The following SLC25A22 variants were observed in gnomAD, a reference collection of about 807,000 sequenced individuals.
The protein encoded by SLC25A22 is mitochondrial glutamate carrier 1.
SLC25A22 carries 23 observed loss-of-function variants against 33.7 expected under a neutral mutation model. The observed-to-expected ratio is 0.68, with a 90% CI of 0.49 to 0.97. The LOEUF is 0.97. Among genes scored for constraint, SLC25A22 ranks in the 50% least tolerant of loss-of-function variants. The pLI, the probability that SLC25A22 is intolerant of heterozygous loss-of-function variation, is 0.00. For synonymous variants in SLC25A22, 245 were observed against 203.8 expected (o/e 1.20, Z -1.72); for missense variants, 390 against 451.1 (o/e 0.86, Z 1.23).
At chr11:793,088 G>T (rs1035605252) in intron 5 of SLC25A22, 100 bp from the exon 6 acceptor site, 7 of 1,159,640 alleles carry the variant, frequency 6.0e-6, no homozygotes, top group Non-Finnish European at 7.5e-6. Context: ...GGTGGGAGCC[G>T]TGGAGGCAGA....
intron 5 of SLC25A22, 87 bp downstream of exon 5, chr11:793,442 C>T (rs1266475917): frequency 3.1e-6 from 4 of 1,289,630 alleles, no homozygotes; most frequent in South Asian, 1.2e-5. Context: ...CAGGCAGAGC[C>T]CCCAGGTGGG....
chr11:797,468 C>T (rs905757106), intron 1 of SLC25A22: 2 of 397,168 alleles, frequency 5.0e-6, no homozygotes, highest in Non-Finnish European at 4.4e-6. Flanking sequence ...GTCACTGTCC[C>T]CCCTTCATAG....
intron 1 of SLC25A22, chr11:797,964 C>T (rs1400209886): frequency 1.8e-5 from 7 of 398,326 alleles, no homozygotes; most frequent in Non-Finnish European, 8.9e-6. Flanking sequence ...TGGGCTCGGG[C>T]CCCGGACACC....
In SLC25A22 at chr11:792,937, G is replaced by A; in HGVS notation, c.345C>T (p.Thr115=). 6.2e-7 allele frequency: 1 copy of A among 1,613,312 alleles called. No homozygotes were observed. The highest frequency in any genetic ancestry group is 1.3e-5 in the African/African-American group (1 of 75,014). Residue 115 remains threonine (T), a synonymous_variant, in exon 6 of 10, where the codon ACC becomes ACT. Transcript: ENST00000628067. ...TGGGCGTGGTCACGATCACCTGGCA[G>A]GTGCCAGCCCCACAGCCCGCCAGCA... ...KEMLAGCGAG[T]CQVIVTTPME...
chr11:795,105 A>C lies in SLC25A22; in HGVS notation c.-99T>G. On this transcript the variant is annotated 5_prime_UTR_variant, in exon 2 of 10. Coordinates refer to ENST00000628067, the MANE Select transcript of SLC25A22 (RefSeq NM_001191061.2). ...GAGGCCTTGAGGGAGGGTGGGACCC[A>C]GGGGGGTTGGGTGGTGCTCCACCTT... 5 of 788,646 alleles carry C rather than the reference A, an allele frequency of 6.3e-6. No individual in the cohort carries two copies. Among genetic ancestry groups the C allele is most frequent in the Non-Finnish European group, 5.9e-6 (3 of 509,378 alleles). The allele number at this position is 788,646 out of a possible 1,614,324, so 48.9% of individuals were successfully genotyped here.
At position 796,842 on chromosome 11, in the gene SLC25A22, G is replaced by A. The variant is rs557386286; in HGVS notation, c.-164+1375C>T. On this transcript the variant is annotated intron_variant, in intron 1 of 9. Coordinates refer to ENST00000628067, the MANE Select transcript of SLC25A22 (RefSeq NM_001191061.2). Reference sequence around the variant, plus strand: ...CCCAGAGCCCTCTGCCCCACCACCCGTCCCACTCAGGGCTTCACCGTCAGA... The same window carrying A: ...CCCAGAGCCCTCTGCCCCACCACCCATCCCACTCAGGGCTTCACCGTCAGA... Among the ~76,000 whole-genome samples the A allele has an allele frequency of 7.9e-5, 12 of 152,272 alleles. No individual in the cohort carries two copies. The East Asian group carries it at 1.9e-3, about 24-fold the overall frequency.
rs77117049 is a variant in SLC25A22 at position 792,579 on chromosome 11, G to A, written c.561C>T (p.Tyr187=). Residue 187 remains tyrosine, a synonymous_variant, in exon 7 of 10, where the codon TAC becomes TAT. Coordinates refer to ENST00000628067, the MANE Select transcript of SLC25A22 (RefSeq NM_001191061.2). The part of the protein sequence containing the change: ...LLRSRGIAGL[Y]KGLGATLLRD... ...TGAGCAGCGTGGCCCCGAGTCCCTTGTAGAGACCGGCAATGCCACGGCTCC... is the reference window on the plus strand; with the variant it reads ...TGAGCAGCGTGGCCCCGAGTCCCTTATAGAGACCGGCAATGCCACGGCTCC... 7.0e-3 allele frequency: 11,303 copies of A among 1,612,022 alleles called. 661 individuals are homozygous for A. The African/African-American group carries it at 0.13, about 19-fold the overall frequency.
At chr11:797,817 A>T in intron 1 of SLC25A22, 1 of 398,638 alleles carries the variant, frequency 2.5e-6, no homozygotes. Context: ...AGGCCGGCTC[A>T]GGCCCCTGCC....
At chr11:796,569 C>A (rs891788855) in intron 1 of SLC25A22, among the ~76,000 whole-genome samples, 3 of 152,160 alleles carry the variant, frequency 2.0e-5, no homozygotes, top group Non-Finnish European at 4.4e-5. Flanking sequence ...AGGCTTTCTC[C>A]GGGCCAGGGT....
Position 792,709 on chromosome 11 carries a change from A to G in SLC25A22, c.431T>C (p.Leu144Pro), listed in dbSNP as rs778481224. 2 of 1,549,970 alleles carry G rather than the reference A, an allele frequency of 1.3e-6. No homozygotes were observed. The highest frequency in any genetic ancestry group is 2.7e-5 in the African/African-American group (2 of 73,540). The change falls in exon 7 of 10, where the codon CTG becomes CCG. Residue 144 changes from leucine to proline, a missense_variant. Coordinates refer to ENST00000628067, the MANE Select transcript of SLC25A22 (RefSeq NM_001191061.2). ...GGCCGAGAGCTGGCCCTGGGCAGCC[A>G]GGATCTTCCTCTGGGCGGCTGGGGA... is the stretch of plus-strand genomic sequence containing the variant. The part of the protein sequence containing the change: ...AGRIAAQRKI[L>P]AAQGQLSAQG...
chr11:795,059 G>T lies in SLC25A22; in HGVS notation c.-53C>A. ...CGCAGAGGTGGACGCCAGGCCAGGC[G>T]GGGTGGAGGTGGAGGTGGAGGAGGC... On this transcript the variant is annotated 5_prime_UTR_variant, in exon 2 of 10. Coordinates refer to ENST00000628067, the MANE Select transcript of SLC25A22 (RefSeq NM_001191061.2). The T allele has an allele frequency of 6.4e-7, 1 of 1,550,432 alleles. No individual in the cohort carries two copies.
chr11:795,100 G>T lies in SLC25A22; in HGVS notation c.-94C>A, dbSNP rs934844019. ...TGGAGGAGGCCTTGAGGGAGGGTGGGACCCAGGGGGGTTGGGTGGTGCTCC... is the reference window on the plus strand; with the variant it reads ...TGGAGGAGGCCTTGAGGGAGGGTGGTACCCAGGGGGGTTGGGTGGTGCTCC... On this transcript the variant is annotated 5_prime_UTR_variant, in exon 2 of 10. Transcript: ENST00000628067. 1 of 765,646 alleles carries T rather than the reference G, an allele frequency of 1.3e-6. No individual in the cohort carries two copies. Among genetic ancestry groups the T allele is most frequent in the South Asian group, 1.4e-5 (1 of 69,132 alleles). The allele number at this position is 765,646 out of a possible 1,614,324, so 47.4% of individuals were successfully genotyped here. A position where few individuals can be genotyped will look rare whatever the true frequency, so the allele number is the denominator to read the frequency against.
Position 791,876 on chromosome 11 carries a change from G to C in SLC25A22, c.*39C>G, listed in dbSNP as rs752899555. 4 of 1,557,884 alleles carry C rather than the reference G, an allele frequency of 2.6e-6. No individual in the cohort carries two copies. The South Asian group carries it at 3.5e-5, about 14-fold the overall frequency. On this transcript the variant is annotated 3_prime_UTR_variant, in exon 10 of 10. Coordinates refer to ENST00000628067, the MANE Select transcript of SLC25A22 (RefSeq NM_001191061.2). ...AGCTGCCTGGCTCCAGCCCCACACC[G>C]GCCCTGCCCAGCTGGCTGGGGTGGA...
At chr11:793,042 C>A in intron 5 of SLC25A22, 54 bp from the exon 6 acceptor site, 1 of 1,550,132 alleles carries the variant, frequency 6.5e-7, no homozygotes, top group Non-Finnish European at 8.8e-7. Flanking sequence ...TACCTGCCAC[C>A]CTCGGGGCTG....
At position 791,841 on chromosome 11, in the gene SLC25A22, G is replaced by A. The variant is rs1864535616; in HGVS notation, c.*74C>T. 4.6e-6 allele frequency: 7 copies of A among 1,511,818 alleles called. No individual in the cohort carries two copies. Among genetic ancestry groups the A allele is most frequent in the East Asian group, 4.9e-5 (2 of 40,786 alleles). 93.7% of individuals were successfully genotyped at this position (1,511,818 alleles called of 1,614,324 possible). Reference sequence around the variant, plus strand: ...CTGGGGAGGGGTCTTCCCTTGCTCCGTCCTGGGCTAGCTGCCTGGCTCCAG... The same window carrying A: ...CTGGGGAGGGGTCTTCCCTTGCTCCATCCTGGGCTAGCTGCCTGGCTCCAG... On this transcript the variant is annotated 3_prime_UTR_variant, in exon 10 of 10. Transcript: ENST00000628067.
At chr11:795,405 T>A in intron 1 of SLC25A22, 1 of 299,524 alleles carries the variant, frequency 3.3e-6, no homozygotes, top group Non-Finnish European at 6.1e-6. Flanking sequence ...CCAGCCAGCC[T>A]CACACGCCGC....
Position 792,690 on chromosome 11 carries a change from G to A in SLC25A22, c.450C>T (p.Leu150=), listed in dbSNP as rs755566784. The A allele has an allele frequency of 6.4e-6, 10 of 1,555,408 alleles. No homozygotes were observed. Among genetic ancestry groups the A allele is most frequent in the African/African-American group, 1.4e-5 (1 of 73,746 alleles). Residue 150 remains leucine (L), a synonymous_variant, in exon 7 of 10, where the codon CTC becomes CTT. Coordinates refer to ENST00000628067, the MANE Select transcript of SLC25A22 (RefSeq NM_001191061.2). The part of the protein sequence containing the change: ...QRKILAAQGQ[L]SAQGGAQPSV... ...AGGGCTGGGCACCCCCCTGGGCCGA[G>A]AGCTGGCCCTGGGCAGCCAGGATCT...
chr11:794,530 A>G lies in SLC25A22; in HGVS notation c.147-17T>C, dbSNP rs1057522785. The G allele has an allele frequency of 6.2e-7, 1 of 1,611,144 alleles. No homozygotes were observed. The highest frequency in any genetic ancestry group is 8.5e-7 in the Non-Finnish European group (1 of 1,179,236). ...CAGTCGGACCTGTGGCCAAGGGGACAGGGTGAGCCAGGGCCAGCTGGGGCC... is the reference window on the plus strand; with the variant it reads ...CAGTCGGACCTGTGGCCAAGGGGACGGGGTGAGCCAGGGCCAGCTGGGGCC... On this transcript the variant is annotated splice_polypyrimidine_tract_variant and intron_variant, in intron 3 of 9. Transcript: ENST00000628067.
At chr11:794,085 A>C (rs984312395) in intron 4 of SLC25A22, 1 of 526,004 alleles carries the variant, frequency 1.9e-6, no homozygotes, top group South Asian at 1.8e-5. Flanking sequence ...TGCCAAATCT[A>C]GGCTCTGGAT....
Sources: allele counts gnomAD v4.1 joint callset (sites outside exome capture counted in the v4.1 genomes callset), GRCh38; gene constraint gnomAD v4.1.1; transcripts MANE v1.5; gene names NCBI Gene and HGNC (gene_info 2026-07-23, HGNC 2026-07-21).